Variants in POU6F2 observed in about 807,000 individuals in gnomAD.
POU6F2 encodes POU domain, class 6, transcription factor 2.
POU6F2 carries 31 observed loss-of-function variants against 71.3 expected under a neutral mutation model. The observed-to-expected ratio is 0.43, with a 90% CI of 0.33 to 0.59. The LOEUF (loss-of-function observed/expected upper bound fraction) is 0.59. Among genes scored for constraint, POU6F2 ranks in the 20% least tolerant of loss-of-function variants. The pLI, the probability that POU6F2 is intolerant of heterozygous loss-of-function variation, is 0.04. For synonymous variants in POU6F2, 347 were observed against 355.7 expected (o/e 0.98, Z 0.27); for missense variants, 783 against 856.8 (o/e 0.91, Z 1.07).
chr7:39,030,553 T>G (rs1287840302), intron 1 of POU6F2, among the ~76,000 whole-genome samples: 1 of 112,346 alleles, frequency 8.9e-6, no homozygotes. Context: ...TACACACACA[T>G]ACATATATTC....
chr7:39,381,989 T>C (rs978497349), intron 5 of POU6F2, among the ~76,000 whole-genome samples: 5 of 152,076 alleles, frequency 3.3e-5, no homozygotes, highest in African/African-American at 4.8e-5. Flanking sequence ...CTGTTAGAAA[T>C]TCCTCTGTCC....
chr7:39,023,399 T>TCC (rs1789723898), intron 1 of POU6F2, among the ~76,000 whole-genome samples: 1 of 151,990 alleles, frequency 6.6e-6, no homozygotes, highest in Admixed American at 6.6e-5. Flanking sequence ...CTAAGATGCT[T>TCC]CCCCATTCCC....
At chr7:39,234,625 A>G (rs886283760) in intron 4 of POU6F2, among the ~76,000 whole-genome samples, 3 of 152,078 alleles carry the variant, frequency 2.0e-5, no homozygotes, top group African/African-American at 7.2e-5. Flanking sequence ...TTGTTTGTCT[A>G]TTGGCTGCTT....
chr7:39,159,565 T>C (rs1303805180), intron 2 of POU6F2, among the ~76,000 whole-genome samples: 2 of 152,166 alleles, frequency 1.3e-5, no homozygotes, highest in African/African-American at 4.8e-5. Context: ...CATAAGCATA[T>C]CTAGCTCAAT....
intron 2 of POU6F2, among the ~76,000 whole-genome samples, chr7:39,127,749 T>C (rs1416555012): frequency 4.6e-5 from 7 of 151,926 alleles, no homozygotes; most frequent in African/African-American, 7.3e-5. Context: ...CTGGAAAGGC[T>C]GTGAGGCAGA....
intron 4 of POU6F2, among the ~76,000 whole-genome samples, chr7:39,216,313 A>G (rs1375223815): frequency 1.3e-5 from 2 of 152,228 alleles, no homozygotes; most frequent in East Asian, 3.8e-4. Context: ...CACATGGTCT[A>G]TTCATGTGGT....
chr7:39,139,710 T>C (rs1015507159), intron 2 of POU6F2, among the ~76,000 whole-genome samples: 1 of 152,188 alleles, frequency 6.6e-6, no homozygotes, highest in South Asian at 2.1e-4. Flanking sequence ...TTTCTTTGAA[T>C]CAGGGCAGAT....
chr7:39,165,281 C>T (rs1339414570), intron 2 of POU6F2, among the ~76,000 whole-genome samples: 1 of 152,136 alleles, frequency 6.6e-6, no homozygotes, highest in Non-Finnish European at 1.5e-5. Flanking sequence ...GGCTACCCAA[C>T]GTTGCTTACT....
At chr7:39,164,838 T>G (rs1178495916) in intron 2 of POU6F2, among the ~76,000 whole-genome samples, 1 of 152,170 alleles carries the variant, frequency 6.6e-6, no homozygotes, top group Admixed American at 6.5e-5. Flanking sequence ...ACGGCAGGCT[T>G]TACAAGGAGA....
At chr7:39,108,277 TA>T (rs1160573079) in intron 2 of POU6F2, among the ~76,000 whole-genome samples, 5 of 132,934 alleles carry the variant, frequency 3.8e-5, no homozygotes, top group African/African-American at 1.3e-4. Context: ...TCCCTTCAAT[TA>T]TTTTTTTTTT....
At chr7:39,030,586 T>G (rs1451774245) in intron 1 of POU6F2, among the ~76,000 whole-genome samples, 2 of 138,180 alleles carry the variant, frequency 1.4e-5, no homozygotes, top group Non-Finnish European at 3.1e-5. Flanking sequence ...GTGTAACAGT[T>G]TAGCCATTCA....
At chr7:39,070,006 A>G (rs1053614274) in intron 1 of POU6F2, among the ~76,000 whole-genome samples, 2 of 152,164 alleles carry the variant, frequency 1.3e-5, no homozygotes, top group East Asian at 1.9e-4. Context: ...AGAGTCAGGA[A>G]GAACAGACTT....
chr7:39,004,419 T>C, intron 1 of POU6F2, among the ~76,000 whole-genome samples: 1 of 152,238 alleles, frequency 6.6e-6, no homozygotes, highest in East Asian at 1.9e-4. Context: ...TCCTGTTTCC[T>C]TGCATTCTGG....
chr7:39,107,039 C>CTTTTTTTTTTTTTTTTTTTTT (rs70977458), intron 2 of POU6F2, among the ~76,000 whole-genome samples: 31 of 130,894 alleles, frequency 2.4e-4, no homozygotes, highest in Non-Finnish European at 2.6e-4. Context: ...TTCTTTCTTT[C>CTTTTTTTTTTTTTTTTTTTTT]TTTTTTTTTT....
In POU6F2 at chr7:39,235,409, G is replaced by A. The variant is rs148518740; in HGVS notation, c.598+27789G>A. Among the ~76,000 whole-genome samples the A allele has an allele frequency of 5.2e-3, 798 of 152,046 alleles. 2 individuals carry two copies. Among genetic ancestry groups the A allele is most frequent in the African/African-American group, 0.018 (756 of 41,470 alleles). The stretch of plus-strand genomic sequence containing the variant: ...AGGTAGTTGTTATCATCTCCATTTC[G>A]CTTGTTTAAGGTCACACACCTGGTA... On this transcript the variant is annotated intron_variant, in intron 4 of 9. Transcript: ENST00000518318.
chr7:39,297,094 A>C (rs1243194968), intron 4 of POU6F2, among the ~76,000 whole-genome samples: 1 of 152,124 alleles, frequency 6.6e-6, no homozygotes, highest in Non-Finnish European at 1.5e-5. Context: ...AGAAGAGTTG[A>C]TGATTAGAGT....
intron 1 of POU6F2, among the ~76,000 whole-genome samples, chr7:39,007,824 A>G (rs1789126553): frequency 6.6e-6 from 1 of 151,158 alleles, no homozygotes; most frequent in African/African-American, 2.4e-5. Flanking sequence ...ATGTTTTCCA[A>G]TTTCATCCAT....
intron 2 of POU6F2, among the ~76,000 whole-genome samples, chr7:39,189,586 A>G (rs1350939386): frequency 1.3e-5 from 2 of 151,942 alleles, no homozygotes; most frequent in African/African-American, 4.8e-5. Flanking sequence ...TATTTTTAGT[A>G]GAGACAGGAT....
chr7:39,282,360 C>G lies in POU6F2; in HGVS notation c.599-57282C>G, dbSNP rs192450148. On this transcript the variant is annotated intron_variant, in intron 4 of 9. Coordinates refer to ENST00000518318, the MANE Select transcript of POU6F2 (RefSeq NM_001370959.1). The stretch of plus-strand genomic sequence containing the variant: ...CTTTTAAGATCTTATCCAAAAAACC[C>G]TTGCCTAGACCAGTGTCATGAATCA... Among the ~76,000 whole-genome samples, 57 of 152,182 alleles carry G rather than the reference C, an allele frequency of 3.7e-4. 1 individual carries two copies. In the East Asian group the frequency reaches 9.5e-3, roughly 25 times the overall value.
Sources: gnomAD v4.1 joint callset for allele counts (sites outside exome capture counted in the v4.1 genomes callset) on GRCh38, gnomAD v4.1.1 for gene constraint, MANE v1.5 for transcripts, NCBI Gene and HGNC (gene_info 2026-07-23, HGNC 2026-07-21) for gene names.